The following RBFOX1 variants were observed in gnomAD, a reference collection of about 807,000 sequenced individuals.
The protein encoded by RBFOX1 is RNA binding fox-1 homolog 1, also known as RNA binding protein fox-1 homolog 1.
RBFOX1 carries 8 observed loss-of-function variants against 57.7 expected under a neutral mutation model. The observed-to-expected ratio is 0.14, with a 90% CI of 0.08 to 0.25. RBFOX1 has a LOEUF of 0.25. Among genes scored for constraint, RBFOX1 ranks in the 10% least tolerant of loss-of-function variants. RBFOX1 has a pLI of 1.00. For missense variants in RBFOX1, 611 were observed against 548.5 expected (o/e 1.11, Z -1.14); for synonymous variants, 326 against 222.4 (o/e 1.47, Z -4.15).
At chr16:6,943,463 C>T (rs370266044) in intron 3 of RBFOX1, among the ~76,000 whole-genome samples, 9 of 152,222 alleles carry the variant, frequency 5.9e-5, no homozygotes, top group African/African-American at 2.2e-4. Flanking sequence ...AATCTCAGTA[C>T]TTTGGGAGTC....
chr16:6,918,989 G>A lies in RBFOX1; in HGVS notation c.-15-133068G>A, dbSNP rs59268049. Reference sequence around the variant, plus strand: ...TAACAACAGCTAATGATTTTTGTTTGTTTGTTTTTGAGGCAGAGTGTTGCT... The same window carrying A: ...TAACAACAGCTAATGATTTTTGTTTATTTGTTTTTGAGGCAGAGTGTTGCT... On this transcript the variant is annotated intron_variant, in intron 3 of 15. Coordinates refer to ENST00000550418, the MANE Select transcript of RBFOX1 (RefSeq NM_018723.4). 8.0e-3 allele frequency among the ~76,000 whole-genome samples: 1,215 copies of A among 152,118 alleles called. 17 individuals are homozygous for A. Among genetic ancestry groups the A allele is most frequent in the African/African-American group, 0.028 (1,149 of 41,502 alleles).
chr16:6,958,583 T>G (rs2082327826), intron 3 of RBFOX1, among the ~76,000 whole-genome samples: 1 of 152,290 alleles, frequency 6.6e-6, no homozygotes, highest in African/African-American at 2.4e-5. Context: ...CCAAACGGAA[T>G]ATTTCCTTTC....
intron 14 of RBFOX1, 106 bp downstream of exon 14, chr16:7,676,944 A>T: frequency 2.6e-6 from 3 of 1,158,718 alleles, no homozygotes; most frequent in Non-Finnish European, 2.5e-6. Flanking sequence ...CTGCTGGGGG[A>T]GGTAGCACCC....
chr16:7,482,883 G>C (rs558252697), intron 4 of RBFOX1, among the ~76,000 whole-genome samples: 8 of 152,250 alleles, frequency 5.3e-5, no homozygotes, highest in East Asian at 1.9e-4. Context: ...CAGAAGCAAA[G>C]ACTGAGAGGG....
chr16:5,456,408 G>A (rs12597909), intron 1 of RBFOX1, among the ~76,000 whole-genome samples: 35,535 of 152,042 alleles, frequency 0.23, 4,829 homozygotes, highest in Admixed American at 0.31. Flanking sequence ...TTCGGGGAAC[G>A]GATTTGAAAG....
intron 9 of RBFOX1, among the ~76,000 whole-genome samples, chr16:7,605,278 A>C (rs186835607): frequency 1.3e-3 from 203 of 152,294 alleles, no homozygotes; most frequent in African/African-American, 4.7e-3. Flanking sequence ...TCACTATAGA[A>C]ATTCTTATAA....
chr16:6,701,389 T>C (rs912723649), intron 3 of RBFOX1, among the ~76,000 whole-genome samples: 24 of 152,286 alleles, frequency 1.6e-4, no homozygotes, highest in African/African-American at 5.3e-4. Context: ...CTCCACAAAG[T>C]GGGAAGACAT....
chr16:5,258,522 T>G (rs550477745), intron 1 of RBFOX1, among the ~76,000 whole-genome samples: 49 of 152,306 alleles, frequency 3.2e-4, no homozygotes, highest in African/African-American at 1.1e-3. Context: ...TAAATTGTGA[T>G]TATTTTTTTC....
intron 2 of RBFOX1, among the ~76,000 whole-genome samples, chr16:5,541,331 G>A (rs1448461198): frequency 1.3e-5 from 2 of 152,130 alleles, no homozygotes; most frequent in Non-Finnish European, 2.9e-5. Context: ...TGTCAAGGTT[G>A]AGGACACACG....
At chr16:6,972,163 T>C (rs1339792586) in intron 3 of RBFOX1, among the ~76,000 whole-genome samples, 1 of 152,092 alleles carries the variant, frequency 6.6e-6, no homozygotes, top group Non-Finnish European at 1.5e-5. Context: ...TAGTGTTCAG[T>C]ATATTCACGT....
intron 2 of RBFOX1, among the ~76,000 whole-genome samples, chr16:6,568,648 C>T (rs933162386): frequency 2.6e-5 from 4 of 152,126 alleles, no homozygotes; most frequent in Admixed American, 6.5e-5. Flanking sequence ...TATTCTGATT[C>T]TCAGAAGAGA....
chr16:6,791,507 C>G (rs551724788), intron 3 of RBFOX1, among the ~76,000 whole-genome samples: 2 of 152,276 alleles, frequency 1.3e-5, no homozygotes, highest in South Asian at 4.1e-4. Flanking sequence ...ACCTGTAATC[C>G]CAGCACTTCG....
At chr16:7,371,108 T>G (rs1270297043) in intron 4 of RBFOX1, among the ~76,000 whole-genome samples, 1 of 152,150 alleles carries the variant, frequency 6.6e-6, no homozygotes. Flanking sequence ...CTGTCTGATG[T>G]TTTCATAAAT....
intron 14 of RBFOX1, among the ~76,000 whole-genome samples, chr16:7,685,850 A>C (rs946138400): frequency 7.2e-5 from 11 of 151,976 alleles, no homozygotes; most frequent in African/African-American, 2.7e-4. Flanking sequence ...TTTTATTCTC[A>C]TTGGACCTAC....
chr16:6,619,307 T>C (rs954454994), intron 2 of RBFOX1, among the ~76,000 whole-genome samples: 1 of 152,194 alleles, frequency 6.6e-6, no homozygotes. Flanking sequence ...CTTATAACTC[T>C]CGTTTGCATA....
chr16:5,261,124 C>T (rs1192629166), intron 1 of RBFOX1: 4 of 152,308 alleles, frequency 2.6e-5, no homozygotes, highest in Non-Finnish European at 4.4e-5. Flanking sequence ...CAATTTTAGA[C>T]CTGATTAATT....
chr16:6,082,176 CTTTTTTTTTT>C (rs58215856), intron 1 of RBFOX1, among the ~76,000 whole-genome samples: 1 of 89,906 alleles, frequency 1.1e-5, no homozygotes, highest in Non-Finnish European at 2.0e-5. Context: ...AATACCAGTG[CTTTTTTTTTT>C]TTTTTTTTTT....
intron 3 of RBFOX1, among the ~76,000 whole-genome samples, chr16:6,847,270 G>T (rs537331759): frequency 6.6e-6 from 1 of 152,260 alleles, no homozygotes; most frequent in Admixed American, 6.5e-5. Context: ...GGCTGGCTGG[G>T]GTTTGGCTGG....
intron 2 of RBFOX1, among the ~76,000 whole-genome samples, chr16:5,529,212 C>T (rs901391206): frequency 2.0e-5 from 3 of 152,154 alleles, no homozygotes; most frequent in Admixed American, 6.5e-5. Context: ...CATTATTTAC[C>T]TGCCTGAGGG....
Sources: gnomAD v4.1 joint callset for allele counts (sites outside exome capture counted in the v4.1 genomes callset) on GRCh38, gnomAD v4.1.1 for gene constraint, MANE v1.5 for transcripts, NCBI Gene and HGNC (gene_info 2026-07-23, HGNC 2026-07-21) for gene names.